Variants in SLC25A37 observed in about 807,000 individuals in gnomAD.
SLC25A37 encodes the protein solute carrier family 25 member 37.
SLC25A37 carries 17 observed loss-of-function variants against 31.0 expected under a neutral mutation model. That is an observed-to-expected ratio of 0.55 (90% CI 0.38 to 0.82). The LOEUF (loss-of-function observed/expected upper bound fraction) is 0.82. Ranked by LOEUF, SLC25A37 falls within the 40% of genes least tolerant of loss-of-function variation. SLC25A37 has a pLI of 0.00. For synonymous variants in SLC25A37, 222 were observed against 193.0 expected (o/e 1.15, Z -1.24); for missense variants, 404 against 465.8 (o/e 0.87, Z 1.22).
chr8:23,560,274 TAAAAATA>T (rs979176215), intron 1 of SLC25A37, among the ~76,000 whole-genome samples: 4 of 151,992 alleles, frequency 2.6e-5, no homozygotes, highest in African/African-American at 7.3e-5. Flanking sequence ...CTTAAAAAAA[TAAAAATA>T]AAAAATAAAA....
At chr8:23,563,329 G>C (rs1802564973) in intron 1 of SLC25A37, among the ~76,000 whole-genome samples, 1 of 152,190 alleles carries the variant, frequency 6.6e-6, no homozygotes, top group African/African-American at 2.4e-5. Context: ...CAAGGCTACA[G>C]AGGTGTGCCG....
At chr8:23,562,808 G>A (rs563319989) in intron 1 of SLC25A37, among the ~76,000 whole-genome samples, 32 of 152,314 alleles carry the variant, frequency 2.1e-4, no homozygotes, top group African/African-American at 6.5e-4. Context: ...ATGAGTGATG[G>A]CATCTGAATT....
At chr8:23,544,841 C>G (rs1801993668) in intron 1 of SLC25A37, among the ~76,000 whole-genome samples, 1 of 152,162 alleles carries the variant, frequency 6.6e-6, no homozygotes, top group African/African-American at 2.4e-5. Context: ...AGCTCTTCTC[C>G]TCTCTGTTCT....
intron 1 of SLC25A37, among the ~76,000 whole-genome samples, chr8:23,547,072 A>AT (rs778936333): frequency 6.6e-6 from 1 of 152,096 alleles, no homozygotes; most frequent in Non-Finnish European, 1.5e-5. Flanking sequence ...AATCTTTTGC[A>AT]TTTTTTCTGA....
intron 1 of SLC25A37, among the ~76,000 whole-genome samples, chr8:23,549,095 A>G (rs1221352326): frequency 6.6e-6 from 1 of 152,146 alleles, no homozygotes; most frequent in Non-Finnish European, 1.5e-5. Context: ...TAGGATTTTT[A>G]GTACTCTCTC....
chr8:23,528,966 ACCTCCTGCAG>A lies in SLC25A37; in HGVS notation c.-28_-19del. On this transcript the variant is annotated 5_prime_UTR_variant, in exon 1 of 4. Coordinates refer to ENST00000519973, the MANE Select transcript of SLC25A37 (RefSeq NM_016612.4). ...TTTGCGCCCCTCCCCCTCCCTGCCCACCTCCTGCAGCCTCCTGCGCCCCGCCGAGCTGGCG... is the reference window on the plus strand; with the variant it reads ...TTTGCGCCCCTCCCCCTCCCTGCCCACCTCCTGCGCCCCGCCGAGCTGGCG... 14 of 1,419,262 alleles carry A rather than the reference ACCTCCTGCAG, an allele frequency of 9.9e-6. No individual in the cohort carries two copies. The highest frequency in any genetic ancestry group is 1.3e-5 in the Non-Finnish European group (14 of 1,083,926). 87.9% of individuals were successfully genotyped at this position (1,419,262 alleles called of 1,614,324 possible).
chr8:23,533,805 A>G (rs1801709179), intron 1 of SLC25A37, among the ~76,000 whole-genome samples: 1 of 152,198 alleles, frequency 6.6e-6, no homozygotes, highest in South Asian at 2.1e-4. Flanking sequence ...CCACAGACAT[A>G]CCCCTGTGAT....
At chr8:23,564,644 A>G (rs1472796043) in intron 1 of SLC25A37, among the ~76,000 whole-genome samples, 1 of 152,140 alleles carries the variant, frequency 6.6e-6, no homozygotes, top group Non-Finnish European at 1.5e-5. Flanking sequence ...TATACTAGTC[A>G]GAGTTCTCCA....
intron 2 of SLC25A37, chr8:23,566,887 C>T (rs1401169612): frequency 4.3e-6 from 4 of 930,620 alleles, no homozygotes; most frequent in Non-Finnish European, 3.8e-6. Context: ...TTCCGGGGAT[C>T]TGGGAATTTT....
chr8:23,540,000 A>G (rs1801856941), intron 1 of SLC25A37, among the ~76,000 whole-genome samples: 1 of 152,264 alleles, frequency 6.6e-6, no homozygotes, highest in African/African-American at 2.4e-5. Flanking sequence ...TGCCCCATTA[A>G]TATCAGCTCC....
intron 1 of SLC25A37, among the ~76,000 whole-genome samples, chr8:23,546,019 C>T (rs1358701723): frequency 6.6e-6 from 1 of 152,020 alleles, no homozygotes; most frequent in Non-Finnish European, 1.5e-5. Flanking sequence ...CCTATAATCT[C>T]AGCTACTTGA....
chr8:23,557,771 G>T (rs1315277042), intron 1 of SLC25A37, among the ~76,000 whole-genome samples: 1 of 152,218 alleles, frequency 6.6e-6, no homozygotes, highest in African/African-American at 2.4e-5. Context: ...GGTTTATTTA[G>T]TGAATGTCAG....
In SLC25A37 at chr8:23,566,509, C is replaced by G; in HGVS notation, c.439+173C>G. 2.9e-6 allele frequency: 4 copies of G among 1,373,864 alleles called. No homozygotes were observed. In the South Asian group the frequency reaches 7.2e-5, roughly 25 times the overall value. 85.1% of individuals were successfully genotyped at this position (1,373,864 alleles called of 1,614,324 possible). ...CCAGACACACGCACGCACACACACGCGCGCGCACACACATGCTTTTTTCTG... is the reference window on the plus strand; with the variant it reads ...CCAGACACACGCACGCACACACACGGGCGCGCACACACATGCTTTTTTCTG... On this transcript the variant is annotated intron_variant, in intron 2 of 3. Coordinates refer to ENST00000519973, the MANE Select transcript of SLC25A37 (RefSeq NM_016612.4).
rs531681015 is a variant in SLC25A37, at chr8:23,566,215, C to T, written c.318C>T (p.Gly106=). ...AAGGCTTCTGGAGGCCCTTGCGAGG[C>T]GTCAACGTCATGATCATGGGTGCAG... is the stretch of plus-strand genomic sequence containing the variant. The part of the protein sequence containing the change: ...RTEGFWRPLR[G]VNVMIMGAGP... The change falls in exon 2 of 4, where the codon GGC becomes GGT. Residue 106 remains glycine, a synonymous_variant. Coordinates refer to ENST00000519973, the MANE Select transcript of SLC25A37 (RefSeq NM_016612.4). The T allele has an allele frequency of 1.0e-5, 16 of 1,603,062 alleles. No homozygotes were observed. The highest frequency in any genetic ancestry group is 3.4e-5 in the South Asian group (3 of 88,682).
At chr8:23,546,562 A>ATATATATATATATATAGTG (rs1802061556) in intron 1 of SLC25A37, among the ~76,000 whole-genome samples, 2 of 93,410 alleles carry the variant, frequency 2.1e-5, no homozygotes, top group Non-Finnish European at 3.8e-5. Context: ...TAGTGTATAT[A>ATATATATATATATATAGTG]TATATATATA....
rs1014226624 is a variant in SLC25A37 at position 23,529,431 on chromosome 8, C to T, written c.210+219C>T. Among the ~76,000 whole-genome samples the T allele has an allele frequency of 2.0e-5, 3 of 151,824 alleles. No homozygotes were observed. The highest frequency in any genetic ancestry group is 7.2e-5 in the African/African-American group (3 of 41,506). ...TGCCCGGTCCTCGCCCCGCACCGCC[C>T]GCTGCTCCAGCCGCGTGCCCGGCCC... On this transcript the variant is annotated intron_variant, in intron 1 of 3. Coordinates refer to ENST00000519973, the MANE Select transcript of SLC25A37 (RefSeq NM_016612.4). The surrounding 1 kb of genome is among the most constrained non-coding windows in gnomAD (Gnocchi z 4.1).
At chr8:23,548,292 C>T (rs897204396) in intron 1 of SLC25A37, among the ~76,000 whole-genome samples, 32 of 152,128 alleles carry the variant, frequency 2.1e-4, no homozygotes, top group Admixed American at 1.8e-3. Flanking sequence ...GATTCTCCTG[C>T]TTCAGCCTCC....
chr8:23,543,817 TG>T (rs1402391590), intron 1 of SLC25A37, among the ~76,000 whole-genome samples: 1 of 148,932 alleles, frequency 6.7e-6, no homozygotes, highest in African/African-American at 2.5e-5. Context: ...ATTACAGGCG[TG>T]AGCCACTGCG....
At chr8:23,560,008 G>C (rs1802472068) in intron 1 of SLC25A37, among the ~76,000 whole-genome samples, 1 of 152,198 alleles carries the variant, frequency 6.6e-6, no homozygotes, top group Non-Finnish European at 1.5e-5. Flanking sequence ...TTTACAGGTA[G>C]TGGAGCTTTA....
Sources: allele counts gnomAD v4.1 joint callset (sites outside exome capture counted in the v4.1 genomes callset), GRCh38; gene constraint gnomAD v4.1.1; non-coding constraint Gnocchi (gnomAD v3.1); transcripts MANE v1.5; gene names NCBI Gene and HGNC (gene_info 2026-07-23, HGNC 2026-07-21).